HS3ST4: variants seen among roughly 807,000 people sequenced by gnomAD.
HS3ST4 encodes heparan sulfate-glucosamine 3-sulfotransferase 4.
In HS3ST4, 17 loss-of-function variants were observed where a neutral mutation model predicts 29.2. The ratio of observed to expected loss-of-function variants is 0.58; its 90% confidence interval spans 0.40 to 0.87. The LOEUF (loss-of-function observed/expected upper bound fraction) is 0.87, where lower values mean the gene tolerates loss of function less well. Among genes scored for constraint, HS3ST4 ranks in the 40% least tolerant of loss-of-function variants. The pLI, the probability that HS3ST4 is intolerant of heterozygous loss-of-function variation, is 0.00. For missense variants in HS3ST4, 627 were observed against 634.5 expected (o/e 0.99, Z 0.13); for synonymous variants, 314 against 285.7 (o/e 1.10, Z -1.00).
At chr16:25,933,299 C>T (rs960208988) in intron 1 of HS3ST4, 13 of 478,274 alleles carry the variant, frequency 2.7e-5, no homozygotes, top group African/African-American at 1.4e-4. Context: ...TGTTAGACAG[C>T]GGATTAGAAA....
intron 1 of HS3ST4, among the ~76,000 whole-genome samples, chr16:25,815,569 C>T (rs1275688266): frequency 6.6e-6 from 1 of 152,086 alleles, no homozygotes; most frequent in Non-Finnish European, 1.5e-5. Flanking sequence ...GGTGATCCAC[C>T]CCCTTGACCC....
intron 1 of HS3ST4, among the ~76,000 whole-genome samples, chr16:25,991,650 A>G (rs1596637841): frequency 6.6e-6 from 1 of 152,224 alleles, no homozygotes. Context: ...GTGCTGGGCT[A>G]TCTACATGCA....
At chr16:25,835,649 G>A (rs1967349323) in intron 1 of HS3ST4, among the ~76,000 whole-genome samples, 1 of 152,192 alleles carries the variant, frequency 6.6e-6, no homozygotes, top group East Asian at 1.9e-4. Context: ...TGAGGAACTT[G>A]CTCAGGTCCA....
At chr16:26,005,778 C>A (rs984870428) in intron 1 of HS3ST4, among the ~76,000 whole-genome samples, 1 of 151,378 alleles carries the variant, frequency 6.6e-6, no homozygotes, top group Non-Finnish European at 1.5e-5. Flanking sequence ...GCTTGAGAGA[C>A]CACTAGTTAG....
chr16:25,957,615 C>T (rs536973705), intron 1 of HS3ST4, among the ~76,000 whole-genome samples: 97 of 152,322 alleles, frequency 6.4e-4, no homozygotes, highest in African/African-American at 2.2e-3. Context: ...GATGGGGTTT[C>T]ACCATGTTGG....
intron 1 of HS3ST4, among the ~76,000 whole-genome samples, chr16:26,107,606 A>G (rs569992568): frequency 9.8e-5 from 15 of 152,308 alleles, no homozygotes; most frequent in Admixed American, 5.2e-4. Flanking sequence ...TTGCATACCC[A>G]TAGCGTAGCT....
chr16:25,873,525 T>A (rs1967790100), intron 1 of HS3ST4, among the ~76,000 whole-genome samples: 1 of 147,704 alleles, frequency 6.8e-6, no homozygotes, highest in Admixed American at 6.7e-5. Flanking sequence ...TATCTATCTG[T>A]CTATCTATCT....
At chr16:25,735,597 C>T (rs1392759781) in intron 1 of HS3ST4, among the ~76,000 whole-genome samples, 1 of 152,042 alleles carries the variant, frequency 6.6e-6, no homozygotes, top group African/African-American at 2.4e-5. Flanking sequence ...CACTGTGTTG[C>T]CCAGTCTGGT....
intron 1 of HS3ST4, among the ~76,000 whole-genome samples, chr16:25,859,405 G>A (rs4305024): frequency 0.27 from 40,717 of 152,100 alleles, 5,974 homozygotes; most frequent in East Asian, 0.45. Flanking sequence ...TGAGAGGTAA[G>A]TAATTCACCT....
At chr16:25,964,950 A>G (rs1435339672) in intron 1 of HS3ST4, among the ~76,000 whole-genome samples, 2 of 152,174 alleles carry the variant, frequency 1.3e-5, no homozygotes, top group Non-Finnish European at 2.9e-5. Context: ...TTATTCTGCA[A>G]ATATTTAATA....
At chr16:25,889,648 AC>A (rs1312652967) in intron 1 of HS3ST4, among the ~76,000 whole-genome samples, 2 of 152,186 alleles carry the variant, frequency 1.3e-5, no homozygotes, top group Non-Finnish European at 2.9e-5. Context: ...GCAAGGACCC[AC>A]GCTGTTTTCG....
chr16:25,988,695 A>T (rs1969086247), intron 1 of HS3ST4, among the ~76,000 whole-genome samples: 1 of 152,120 alleles, frequency 6.6e-6, no homozygotes, highest in South Asian at 2.1e-4. Context: ...AACAACACAC[A>T]CTGGGGACCG....
At chr16:25,709,778 GA>G (rs1966403854) in intron 1 of HS3ST4, among the ~76,000 whole-genome samples, 2 of 152,126 alleles carry the variant, frequency 1.3e-5, no homozygotes, top group Admixed American at 6.5e-5. Flanking sequence ...GTTCAATCCT[GA>G]AAAAAGTATC....
At chr16:25,778,890 AT>A (rs1452004647) in intron 1 of HS3ST4, among the ~76,000 whole-genome samples, 5 of 152,188 alleles carry the variant, frequency 3.3e-5, no homozygotes, top group African/African-American at 1.2e-4. Flanking sequence ...GGACTCAACG[AT>A]TGCAAATCAA....
At chr16:25,912,022 G>GT (rs1968246115) in intron 1 of HS3ST4, among the ~76,000 whole-genome samples, 1 of 152,306 alleles carries the variant, frequency 6.6e-6, no homozygotes, top group African/African-American at 2.4e-5. Flanking sequence ...CAGAAAGCGT[G>GT]TGGAGGCCTT....
intron 1 of HS3ST4, among the ~76,000 whole-genome samples, chr16:26,001,030 G>A (rs1969207385): frequency 6.6e-6 from 1 of 152,116 alleles, no homozygotes. Flanking sequence ...TGCAATCTCT[G>A]ATTCTCAATG....
intron 1 of HS3ST4, among the ~76,000 whole-genome samples, chr16:26,028,125 T>C (rs1379420122): frequency 6.6e-6 from 1 of 151,438 alleles, no homozygotes; most frequent in Non-Finnish European, 1.5e-5. Flanking sequence ...ATACAAAAAT[T>C]AGCTGGGTGT....
intron 1 of HS3ST4, among the ~76,000 whole-genome samples, chr16:25,768,054 G>A (rs964521061): frequency 6.6e-6 from 1 of 152,128 alleles, no homozygotes; most frequent in East Asian, 1.9e-4. Context: ...GGGGTGGCAG[G>A]GGAGTGCGGG....
At chr16:25,777,556 G>A (rs1240757171) in intron 1 of HS3ST4, among the ~76,000 whole-genome samples, 1 of 152,076 alleles carries the variant, frequency 6.6e-6, no homozygotes, top group Non-Finnish European at 1.5e-5. Flanking sequence ...ATCACCTGAG[G>A]TCAGGAGTTT....
Sources: allele counts gnomAD v4.1 joint callset (sites outside exome capture counted in the v4.1 genomes callset), GRCh38; gene constraint gnomAD v4.1.1; transcripts MANE v1.5; gene names NCBI Gene and HGNC (gene_info 2026-07-23, HGNC 2026-07-21).